Variants in PCBD2 observed in about 807,000 individuals in gnomAD.
PCBD2 encodes the protein pterin-4 alpha-carbinolamine dehydratase 2.
Under a neutral mutation model 16.4 loss-of-function variants are expected in PCBD2, and 12 were observed. The observed-to-expected ratio is 0.73, with a 90% CI of 0.47 to 1.19. The LOEUF (loss-of-function observed/expected upper bound fraction) is 1.19, where lower values mean the gene tolerates loss of function less well. PCBD2 is among the 50% of genes most tolerant of loss of function. PCBD2 has a pLI of 0.00. For missense variants in PCBD2, 138 were observed against 156.8 expected, an observed-to-expected ratio of 0.88 and a Z score of 0.64; for synonymous variants, 58 against 61.8, an observed-to-expected ratio of 0.94 and a Z score of 0.29.
intron 2 of PCBD2, among the ~76,000 whole-genome samples, chr5:134,952,155 CTT>C (rs58638262): frequency 5.5e-4 from 73 of 133,498 alleles, no homozygotes; most frequent in African/African-American, 1.9e-3. Flanking sequence ...AAGCTGTTGA[CTT>C]TTTTTTTTTT....
At chr5:134,958,289 C>T (rs1157906572) in intron 2 of PCBD2, among the ~76,000 whole-genome samples, 1 of 152,222 alleles carries the variant, frequency 6.6e-6, no homozygotes, top group Non-Finnish European at 1.5e-5. Context: ...TTACCTTCTG[C>T]TTAACAAAAT....
intron 3 of PCBD2, among the ~76,000 whole-genome samples, chr5:134,959,468 C>T (rs1052295186): frequency 6.6e-6 from 1 of 152,130 alleles, no homozygotes; most frequent in African/African-American, 2.4e-5. Context: ...GATATGGCCT[C>T]ATTTATCTCG....
chr5:134,948,283 C>T (rs17167730), intron 2 of PCBD2, among the ~76,000 whole-genome samples: 1 of 152,082 alleles, frequency 6.6e-6, no homozygotes, highest in Admixed American at 6.5e-5. Flanking sequence ...ATTTGGAAAC[C>T]GGTAGTGTCT....
At chr5:134,929,264 T>C (rs1751061765) in intron 2 of PCBD2, among the ~76,000 whole-genome samples, 1 of 151,742 alleles carries the variant, frequency 6.6e-6, no homozygotes, top group Non-Finnish European at 1.5e-5. Context: ...GGAGAATTGC[T>C]TGAGGCCAGG....
chr5:134,958,738 C>T lies in PCBD2; in HGVS notation c.217-302C>T, dbSNP rs1456859085. Among the ~76,000 whole-genome samples the T allele has an allele frequency of 5.9e-5, 9 of 152,304 alleles. No homozygotes were observed. In the East Asian group the frequency reaches 1.7e-3, roughly 29 times the overall value. On this transcript the variant is annotated intron_variant, in intron 2 of 3. Coordinates refer to ENST00000254908, the MANE Select transcript of PCBD2 (RefSeq NM_032151.5). ...CACTGGGTTGAAGGGAAATTATTCC[C>T]GTGCTATTTTGTAGAGTCTTGTCCT...
chr5:134,911,742 A>C, intron 2 of PCBD2, among the ~76,000 whole-genome samples: 1 of 152,166 alleles, frequency 6.6e-6, no homozygotes, highest in East Asian at 1.9e-4. Context: ...TTCTCTATCC[A>C]TCTGGCTGCC....
Position 134,957,810 on chromosome 5 carries a change from G to A in PCBD2, c.217-1230G>A, listed in dbSNP as rs1751431487. ...TTTTTCCACAGATAATTCCATACATGGTCAAATGGATTTTGCTTGAACTTT... is the reference window on the plus strand; with the variant it reads ...TTTTTCCACAGATAATTCCATACATAGTCAAATGGATTTTGCTTGAACTTT... On this transcript the variant is annotated intron_variant, in intron 2 of 3. Transcript: ENST00000254908. Among the ~76,000 whole-genome samples, 3 of 152,288 alleles carry A rather than the reference G, an allele frequency of 2.0e-5. No individual in the cohort carries two copies. The South Asian group carries it at 6.2e-4, about 32-fold the overall frequency.
intron 2 of PCBD2, among the ~76,000 whole-genome samples, chr5:134,951,263 A>G (rs930906910): frequency 1.3e-5 from 2 of 152,042 alleles, no homozygotes; most frequent in South Asian, 2.1e-4. Flanking sequence ...TTTCCTTTTT[A>G]TATGCTTCAT....
At chr5:134,938,740 C>A (rs1751190563) in intron 2 of PCBD2, among the ~76,000 whole-genome samples, 1 of 152,236 alleles carries the variant, frequency 6.6e-6, no homozygotes, top group East Asian at 1.9e-4. Flanking sequence ...AAAATATATA[C>A]TTAGAATACT....
intron 2 of PCBD2, among the ~76,000 whole-genome samples, chr5:134,956,888 AG>A (rs982897868): frequency 2.6e-5 from 4 of 152,218 alleles, no homozygotes; most frequent in Non-Finnish European, 4.4e-5. Flanking sequence ...TGCTGTGCTA[AG>A]TACCTTTATA....
intron 2 of PCBD2, among the ~76,000 whole-genome samples, chr5:134,957,211 A>G (rs1751424309): frequency 6.6e-6 from 1 of 152,236 alleles, no homozygotes; most frequent in Non-Finnish European, 1.5e-5. Context: ...GTGAGCCAAG[A>G]TAATCCCACT....
At chr5:134,952,295 A>G (rs974052104) in intron 2 of PCBD2, among the ~76,000 whole-genome samples, 4 of 151,938 alleles carry the variant, frequency 2.6e-5, no homozygotes, top group Admixed American at 6.6e-5. Flanking sequence ...ATCTATTCCT[A>G]TCTATCAGCA....
At chr5:134,931,783 T>C (rs1393468902) in intron 2 of PCBD2, among the ~76,000 whole-genome samples, 1 of 152,278 alleles carries the variant, frequency 6.6e-6, no homozygotes, top group African/African-American at 2.4e-5. Context: ...GAATTGAATC[T>C]GTTCTGTTTA....
Position 134,934,888 on chromosome 5 carries a change from A to C in PCBD2, c.217-24152A>C, listed in dbSNP as rs1418426908. Among the ~76,000 whole-genome samples the C allele has an allele frequency of 2.0e-5, 3 of 152,244 alleles. No individual in the cohort carries two copies. In the East Asian group the frequency reaches 5.8e-4, roughly 29 times the overall value. ...ATGGTAACTAGGATTATATCTGTCA[A>C]GACTGTTAAAAAACATCTAGATTTA... On this transcript the variant is annotated intron_variant, in intron 2 of 3. Transcript: ENST00000254908.
chr5:134,954,101 G>T (rs1751389334), intron 2 of PCBD2, among the ~76,000 whole-genome samples: 1 of 152,062 alleles, frequency 6.6e-6, no homozygotes, highest in South Asian at 2.1e-4. Flanking sequence ...AGGACTACAG[G>T]TGCATGCCAC....
At chr5:134,921,373 A>G (rs1750901504) in intron 2 of PCBD2, among the ~76,000 whole-genome samples, 2 of 152,062 alleles carry the variant, frequency 1.3e-5, no homozygotes, top group Admixed American at 1.3e-4. Flanking sequence ...TGCTGCCTGG[A>G]GAAGGGGAGT....
chr5:134,906,039 A>AT (rs1750684732), intron 1 of PCBD2, among the ~76,000 whole-genome samples: 1 of 149,746 alleles, frequency 6.7e-6, no homozygotes, highest in Non-Finnish European at 1.5e-5. Context: ...CGCCCAGGTA[A>AT]TTTTTTATAT....
intron 2 of PCBD2, among the ~76,000 whole-genome samples, chr5:134,946,390 C>T (rs73284715): frequency 0.018 from 2,718 of 152,236 alleles, 81 homozygotes; most frequent in African/African-American, 0.062. Context: ...TGAAACATGG[C>T]TCTGGCAGGC....
At chr5:134,926,863 T>A in intron 2 of PCBD2, 1 of 398,160 alleles carries the variant, frequency 2.5e-6, no homozygotes, top group Non-Finnish European at 4.4e-6. Flanking sequence ...AGTAGGAGAG[T>A]GATATTTGAT....
Sources: allele counts gnomAD v4.1 joint callset (sites outside exome capture counted in the v4.1 genomes callset), GRCh38; gene constraint gnomAD v4.1.1; transcripts MANE v1.5; gene names NCBI Gene and HGNC (gene_info 2026-07-23, HGNC 2026-07-21).